Variants in PABPC4L observed in about 807,000 individuals in gnomAD.
PABPC4L encodes polyadenylate-binding protein 4-like.
For missense variants in PABPC4L, 452 were observed against 451.4 expected (o/e 1.00, Z -0.01); for synonymous variants, 169 against 164.1 (o/e 1.03, Z -0.23).
At chr4:134,113,856 G>A in the PABPC4L span, among the ~76,000 whole-genome samples, 1 of 151,728 alleles carries the variant, frequency 6.6e-6, no homozygotes, top group East Asian at 1.9e-4. Context: ...TCATTTTCAA[G>A]CATCTATAAA....
chr4:134,065,567 A>G, the PABPC4L span, among the ~76,000 whole-genome samples: 1 of 151,962 alleles, frequency 6.6e-6, no homozygotes, highest in East Asian at 1.9e-4. Context: ...TTCTGGAGGT[A>G]GTCTGTTTGC....
the PABPC4L span, among the ~76,000 whole-genome samples, chr4:134,027,632 T>C: frequency 2.9e-3 from 444 of 152,270 alleles, 3 homozygotes; most frequent in African/African-American, 9.7e-3. Flanking sequence ...AATTGTATTT[T>C]TTATTTTTTG....
chr4:134,021,279 G>A, the PABPC4L span, among the ~76,000 whole-genome samples: 1 of 152,118 alleles, frequency 6.6e-6, no homozygotes, highest in Non-Finnish European at 1.5e-5. Context: ...CATCAAAAGA[G>A]CAACTGGGGG....
chr4:134,096,744 T>A, the PABPC4L span, among the ~76,000 whole-genome samples: 1 of 151,974 alleles, frequency 6.6e-6, no homozygotes, highest in Non-Finnish European at 1.5e-5. Flanking sequence ...ACTAAAGAAA[T>A]AAATGTCCAG....
At chr4:134,079,661 GTGTGTATGTC>G in the PABPC4L span, among the ~76,000 whole-genome samples, 1 of 149,728 alleles carries the variant, frequency 6.7e-6, no homozygotes. Flanking sequence ...GTGTGTCTGT[GTGTGTATGTC>G]TGTGTGTGTG....
At position 134,200,231 on chromosome 4, in the gene PABPC4L, G is replaced by A. The variant is rs1244793377; in HGVS notation, c.789C>T (p.Gly263=). 2 of 1,552,012 alleles carry A rather than the reference G, an allele frequency of 1.3e-6. No individual in the cohort carries two copies. Among genetic ancestry groups the A allele is most frequent in the African/African-American group, 1.4e-5 (1 of 72,970 alleles). Residue 263 remains glycine, a synonymous_variant, in exon 2 of 2, where the codon GGC becomes GGT. Transcript: ENST00000421491. Reference sequence around the variant, plus strand: ...GTCGCTCGACTTTCTTTTGAGCCCGGCCTACAAAAATCAGCTGCCCATTTA... The same window carrying A: ...GTCGCTCGACTTTCTTTTGAGCCCGACCTACAAAAATCAGCTGCCCATTTA... ...RDINGQLIFV[G]RAQKKVERQA... is the part of the protein sequence containing the mutation.
At chr4:133,958,198 T>C in the PABPC4L span, among the ~76,000 whole-genome samples, 1 of 152,210 alleles carries the variant, frequency 6.6e-6, no homozygotes, top group African/African-American at 2.4e-5. Flanking sequence ...AAATAATCTC[T>C]TTCAAGTTCA....
the PABPC4L span, among the ~76,000 whole-genome samples, chr4:133,981,590 A>G: frequency 6.6e-6 from 1 of 152,144 alleles, no homozygotes; most frequent in Non-Finnish European, 1.5e-5. Context: ...GGTCTGTTGA[A>G]CATTTGACTT....
At chr4:133,953,330 C>A in the PABPC4L span, among the ~76,000 whole-genome samples, 2 of 152,260 alleles carry the variant, frequency 1.3e-5, no homozygotes, top group Admixed American at 6.5e-5. Context: ...AAACCATGAT[C>A]TTTGCCTTTT....
chr4:134,035,110 C>A, the PABPC4L span, among the ~76,000 whole-genome samples: 1 of 151,978 alleles, frequency 6.6e-6, no homozygotes, highest in South Asian at 2.1e-4. Context: ...AGTCTGCCAA[C>A]AGCAAAAAGA....
chr4:134,053,691 C>T, the PABPC4L span, among the ~76,000 whole-genome samples: 2 of 152,142 alleles, frequency 1.3e-5, no homozygotes, highest in Admixed American at 6.6e-5. Context: ...TTTGTGTATA[C>T]ATCAGAGCAC....
chr4:134,153,948 A>C, the PABPC4L span, among the ~76,000 whole-genome samples: 1 of 150,514 alleles, frequency 6.6e-6, no homozygotes, highest in Admixed American at 6.7e-5. Context: ...AAATTAGGAG[A>C]GGATTTTAAC....
the PABPC4L span, among the ~76,000 whole-genome samples, chr4:134,119,325 T>A: frequency 2.6e-5 from 4 of 151,732 alleles, no homozygotes; most frequent in Non-Finnish European, 5.9e-5. Context: ...CAAACTGATA[T>A]AATTTTAAAT....
At chr4:133,969,474 C>G in the PABPC4L span, among the ~76,000 whole-genome samples, 1 of 152,164 alleles carries the variant, frequency 6.6e-6, no homozygotes, top group Non-Finnish European at 1.5e-5. Flanking sequence ...TAACTTTTAT[C>G]TGCCTTTGTG....
At position 134,200,812 on chromosome 4, in the gene PABPC4L, T is replaced by G. The variant is rs370929196; in HGVS notation, c.208A>C (p.Thr70Pro). 3.9e-6 allele frequency: 6 copies of G among 1,552,720 alleles called. No homozygotes were observed. In the Middle Eastern group the frequency reaches 1.0e-3, roughly 259 times the overall value. Residue 70 changes from threonine to proline, a missense_variant, in exon 2 of 2, where the codon ACA becomes CCA. Coordinates refer to ENST00000421491, the MANE Select transcript of PABPC4L (RefSeq NM_001114734.2). Reference sequence around the variant, plus strand: ...CCTTTTATGATGTCAAAGTTCATTGTGTCCAGCGCCTTCTGGGCATCAGCC... The same window carrying G: ...CCTTTTATGATGTCAAAGTTCATTGGGTCCAGCGCCTTCTGGGCATCAGCC... ...QLADAQKALD[T>P]MNFDIIKGKS...
At chr4:133,978,427 G>A in the PABPC4L span, among the ~76,000 whole-genome samples, 1 of 152,056 alleles carries the variant, frequency 6.6e-6, no homozygotes, top group Non-Finnish European at 1.5e-5. Flanking sequence ...AAGCAGCATG[G>A]CAATACTTCA....
the PABPC4L span, among the ~76,000 whole-genome samples, chr4:134,151,677 A>G: frequency 2.0e-5 from 3 of 151,964 alleles, no homozygotes; most frequent in African/African-American, 4.8e-5. Context: ...TATTAACTCA[A>G]AATAAAGAGA....
At chr4:134,194,868 G>A (rs1325614647), downstream of PABPC4L, among the ~76,000 whole-genome samples, 3 of 151,648 alleles carry the variant, frequency 2.0e-5, no homozygotes, top group Non-Finnish European at 4.4e-5. Flanking sequence ...AGGAATCCTA[G>A]GACACGGTAA....
the PABPC4L span, among the ~76,000 whole-genome samples, chr4:134,043,324 G>T: frequency 1.4e-4 from 22 of 152,110 alleles, no homozygotes; most frequent in African/African-American, 5.3e-4. Flanking sequence ...AGTTTTATCT[G>T]TCACTGCTAC....
Sources: gnomAD v4.1 joint callset for allele counts (sites outside exome capture counted in the v4.1 genomes callset) on GRCh38, gnomAD v4.1.1 for gene constraint, MANE v1.5 for transcripts, NCBI Gene and HGNC (gene_info 2026-07-23, HGNC 2026-07-21) for gene names.